Variants in RNLS observed in about 807,000 individuals in gnomAD.
RNLS encodes the protein renalase.
Under a neutral mutation model 39.8 loss-of-function variants are expected in RNLS, and 39 were observed. The observed-to-expected ratio is 0.98, with a 90% CI of 0.76 to 1.28. The LOEUF is 1.28. RNLS is among the 50% of genes most tolerant of loss of function. The pLI is 0.00. For synonymous variants in RNLS, 147 were observed against 150.7 expected (o/e 0.98, Z 0.18); for missense variants, 410 against 413.3 (o/e 0.99, Z 0.07).
chr10:88,520,376 T>A (rs1356326458), intron 4 of RNLS, among the ~76,000 whole-genome samples: 1 of 151,974 alleles, frequency 6.6e-6, no homozygotes, highest in Admixed American at 6.6e-5. Flanking sequence ...AGGAGTTCTC[T>A]CCCCAGAAAT....
rs1213088095 is a variant in RNLS, at chr10:88,285,323, A to G, written c.*31T>C. 1.3e-6 allele frequency: 2 copies of G among 1,510,700 alleles called. No individual in the cohort carries two copies. The highest frequency in any genetic ancestry group is 2.0e-5 in the Admixed American group (1 of 49,610). 93.6% of individuals were successfully genotyped at this position (1,510,700 alleles called of 1,614,324 possible). ...CAGAAAATTGTGAAAATAAAAACCC[A>G]ATACACATGTAGAGAATAAGGATAT... On this transcript the variant is annotated 3_prime_UTR_variant, in exon 7 of 7. Coordinates refer to ENST00000331772, the MANE Select transcript of RNLS (RefSeq NM_001031709.3).
At chr10:88,323,447 CCA>C (rs1846330458) in intron 5 of RNLS, among the ~76,000 whole-genome samples, 1 of 152,060 alleles carries the variant, frequency 6.6e-6, no homozygotes, top group Non-Finnish European at 1.5e-5. Context: ...AGAAATAAAT[CCA>C]TATACCTACA....
intron 6 of RNLS, among the ~76,000 whole-genome samples, chr10:88,295,455 T>A (rs1844014604): frequency 6.6e-6 from 1 of 152,208 alleles, no homozygotes; most frequent in Non-Finnish European, 1.5e-5. Flanking sequence ...TCATCTTTCC[T>A]CTGTTCTCAT....
At chr10:88,506,207 A>T (rs1845784358) in intron 4 of RNLS, among the ~76,000 whole-genome samples, 2 of 152,168 alleles carry the variant, frequency 1.3e-5, no homozygotes, top group South Asian at 4.1e-4. Context: ...AAGCAGAGCC[A>T]GGAAGAAATG....
At chr10:88,354,262 T>C (rs1274333585) in intron 5 of RNLS, among the ~76,000 whole-genome samples, 1 of 152,218 alleles carries the variant, frequency 6.6e-6, no homozygotes, top group Non-Finnish European at 1.5e-5. Flanking sequence ...GTCATTATGA[T>C]GTTAGCTGGT....
chr10:88,239,508 A>C, the RNLS span, among the ~76,000 whole-genome samples: 1 of 152,246 alleles, frequency 6.6e-6, no homozygotes, highest in Non-Finnish European at 1.5e-5. Context: ...AGCATTCTGC[A>C]CCCAATTTGT....
At chr10:88,263,970 C>A in the RNLS span, among the ~76,000 whole-genome samples, 2 of 152,124 alleles carry the variant, frequency 1.3e-5, no homozygotes, top group African/African-American at 4.8e-5. Context: ...CCCTCACCCA[C>A]CTCCCACCCT....
At chr10:88,370,813 T>G (rs1850500213) in intron 4 of RNLS, among the ~76,000 whole-genome samples, 2 of 152,170 alleles carry the variant, frequency 1.3e-5, no homozygotes. Flanking sequence ...TTACCACTCA[T>G]GAGTCACTCC....
chr10:88,393,578 G>T (rs1852353806), intron 4 of RNLS, among the ~76,000 whole-genome samples: 1 of 152,210 alleles, frequency 6.6e-6, no homozygotes, highest in Non-Finnish European at 1.5e-5. Flanking sequence ...CCATGCTCAT[G>T]GGTAGGCAGA....
the RNLS span, among the ~76,000 whole-genome samples, chr10:88,211,069 A>C: frequency 6.6e-6 from 1 of 152,142 alleles, no homozygotes; most frequent in Non-Finnish European, 1.5e-5. Context: ...TGTGAAAGGA[A>C]ATCTTTGACT....
chr10:88,194,034 G>A, the RNLS span, among the ~76,000 whole-genome samples: 73 of 152,234 alleles, frequency 4.8e-4, 1 homozygote, highest in Middle Eastern at 0.01. Context: ...ATGAAATCAC[G>A]TCTACATGCC....
intron 4 of RNLS, among the ~76,000 whole-genome samples, chr10:88,375,348 C>CGAA (rs1447938783): frequency 6.6e-6 from 1 of 152,126 alleles, no homozygotes; most frequent in Non-Finnish European, 1.5e-5. Context: ...AAGAGTTCCC[C>CGAA]GAAGTCCCCT....
In RNLS at chr10:88,493,921, G is replaced by C. The variant is rs75698820; in HGVS notation, c.526+78982C>G. Among the ~76,000 whole-genome samples the C allele has an allele frequency of 2.8e-4, 43 of 152,242 alleles. No homozygotes were observed. In the East Asian group the frequency reaches 5.4e-3, roughly 19 times the overall value. ...ATTGGCAGACCATAAACAAAATGGA[G>C]AACACTGGAAGACATTCAAACGATG... On this transcript the variant is annotated intron_variant, in intron 4 of 6. Transcript: ENST00000331772.
intron 5 of RNLS, among the ~76,000 whole-genome samples, chr10:88,351,363 G>T (rs962198555): frequency 6.6e-6 from 1 of 152,132 alleles, no homozygotes; most frequent in East Asian, 1.9e-4. Context: ...ATGGTTTTAG[G>T]TCTAACATTT....
intron 4 of RNLS, among the ~76,000 whole-genome samples, chr10:88,393,516 C>T (rs1272322245): frequency 3.9e-5 from 6 of 152,146 alleles, no homozygotes; most frequent in Non-Finnish European, 7.3e-5. Flanking sequence ...AGGAGAACTA[C>T]AAACCACTGC....
rs151002574 is a variant in RNLS at position 88,346,274 on chromosome 10, G to A, written c.700+16278C>T. ...TTTGAAGTGTAACCTTGGAAATCAC[G>A]GTTTGTGTTACGGGGCATCATTCAA... is the stretch of plus-strand genomic sequence containing the variant. On this transcript the variant is annotated intron_variant, in intron 5 of 6. Coordinates refer to ENST00000331772, the MANE Select transcript of RNLS (RefSeq NM_001031709.3). 2.0e-5 allele frequency among the ~76,000 whole-genome samples: 3 copies of A among 152,214 alleles called. No individual in the cohort carries two copies. The East Asian group carries it at 5.8e-4, about 29-fold the overall frequency.
chr10:88,281,033 G>A (rs948949482), downstream of RNLS, among the ~76,000 whole-genome samples: 2 of 152,192 alleles, frequency 1.3e-5, no homozygotes, highest in Non-Finnish European at 2.9e-5. Context: ...AGAAGGAAAC[G>A]TGAGTCATAC....
At chr10:88,560,016 T>C (rs891147429) in intron 4 of RNLS, among the ~76,000 whole-genome samples, 1 of 152,086 alleles carries the variant, frequency 6.6e-6, no homozygotes, top group Non-Finnish European at 1.5e-5. Context: ...TATAAATATG[T>C]GATGATCAAA....
At chr10:88,186,735 C>T in the RNLS span, among the ~76,000 whole-genome samples, 4 of 151,022 alleles carry the variant, frequency 2.6e-5, no homozygotes, top group East Asian at 1.9e-4. Context: ...GATTTCTTTA[C>T]GGTAAAAAAA....
Sources: gnomAD v4.1 joint callset for allele counts (sites outside exome capture counted in the v4.1 genomes callset) on GRCh38, gnomAD v4.1.1 for gene constraint, MANE v1.5 for transcripts, NCBI Gene and HGNC (gene_info 2026-07-23, HGNC 2026-07-21) for gene names.